The following IGSF23 variants were observed in gnomAD, a reference collection of about 807,000 sequenced individuals.
IGSF23 encodes immunoglobulin superfamily member 23.
A neutral mutation model predicts 17.8 loss-of-function variants in IGSF23; 14 were observed. The ratio of observed to expected loss-of-function variants is 0.79; its 90% confidence interval spans 0.52 to 1.23. IGSF23 has a LOEUF of 1.23. IGSF23 is among the 50% of genes most tolerant of loss of function. The probability of loss-of-function intolerance (pLI) is 0.00; values close to 1 mark genes in which losing one functional copy is unlikely to be tolerated. For missense variants in IGSF23, 214 were observed against 241.7 expected (o/e 0.89, Z 0.76); for synonymous variants, 85 against 92.5 (o/e 0.92, Z 0.46).
intron 1 of IGSF23, among the ~76,000 whole-genome samples, chr19:44,620,410 A>G (rs1342463390): frequency 6.7e-6 from 1 of 149,358 alleles, no homozygotes; most frequent in East Asian, 2.0e-4. Flanking sequence ...TCTGTCGCCC[A>G]GGCTGGAGTG....
chr19:44,635,525 G>A lies in IGSF23; in HGVS notation c.*31+60G>A, dbSNP rs936884672. The A allele has an allele frequency of 6.7e-6, 8 of 1,192,382 alleles. No individual in the cohort carries two copies. In the African/African-American group the frequency reaches 1.2e-4, roughly 18 times the overall value. The allele number at this position is 1,192,382 out of a possible 1,614,324, so 73.9% of individuals were successfully genotyped here. A position where few individuals can be genotyped will look rare whatever the true frequency, so the allele number is the denominator to read the frequency against. On this transcript the variant is annotated intron_variant, in intron 4 of 4. Transcript: ENST00000402988. ...TTTGGGAACAGAAAGAAGTTCTTGGGCAGAGACTCCATATGTGATTTCCTC... is the reference window on the plus strand; with the variant it reads ...TTTGGGAACAGAAAGAAGTTCTTGGACAGAGACTCCATATGTGATTTCCTC...
At chr19:44,630,683 A>C (rs554455915) in intron 3 of IGSF23, among the ~76,000 whole-genome samples, 1 of 152,318 alleles carries the variant, frequency 6.6e-6, no homozygotes, top group African/African-American at 2.4e-5. Context: ...AGCCTCATCC[A>C]ATCAGCTGTG....
chr19:44,628,277 G>A (rs899642978), intron 3 of IGSF23, among the ~76,000 whole-genome samples: 2 of 152,096 alleles, frequency 1.3e-5, no homozygotes, highest in Admixed American at 6.6e-5. Context: ...TTAAAGCAGT[G>A]CCTGGAATGT....
At chr19:44,633,972 T>C (rs910108804) in intron 3 of IGSF23, among the ~76,000 whole-genome samples, 1 of 152,238 alleles carries the variant, frequency 6.6e-6, no homozygotes, top group African/African-American at 2.4e-5. Context: ...GACTCCTGTA[T>C]GTGTTTGTAC....
At chr19:44,634,553 T>C (rs1972842893) in intron 3 of IGSF23, among the ~76,000 whole-genome samples, 1 of 152,186 alleles carries the variant, frequency 6.6e-6, no homozygotes, top group Non-Finnish European at 1.5e-5. Context: ...TGAATAGAAC[T>C]GACAGCAGTC....
At chr19:44,622,046 A>G (rs1232274909) in intron 1 of IGSF23, among the ~76,000 whole-genome samples, 1 of 152,092 alleles carries the variant, frequency 6.6e-6, no homozygotes, top group Non-Finnish European at 1.5e-5. Flanking sequence ...ACATGGTGAA[A>G]CCCCATCTCC....
chr19:44,624,278 C>A (rs1972590305), intron 2 of IGSF23, among the ~76,000 whole-genome samples: 1 of 146,886 alleles, frequency 6.8e-6, no homozygotes, highest in Non-Finnish European at 1.5e-5. Context: ...CCTTCTTCTA[C>A]TTCTTCTTCT....
At chr19:44,621,931 C>T (rs1972530484) in intron 1 of IGSF23, among the ~76,000 whole-genome samples, 1 of 152,044 alleles carries the variant, frequency 6.6e-6, no homozygotes, top group Non-Finnish European at 1.5e-5. Flanking sequence ...CAGTAAGAGC[C>T]CAATCCATGG....
At chr19:44,631,963 G>C (rs368526320) in intron 3 of IGSF23, among the ~76,000 whole-genome samples, 1 of 152,324 alleles carries the variant, frequency 6.6e-6, no homozygotes, top group African/African-American at 2.4e-5. Flanking sequence ...TTCGGGGCCA[G>C]TTTATGGCCA....
chr19:44,620,973 G>A (rs1972505386), intron 1 of IGSF23, among the ~76,000 whole-genome samples: 1 of 152,142 alleles, frequency 6.6e-6, no homozygotes, highest in African/African-American at 2.4e-5. Context: ...AACAATGCCT[G>A]ACAAAGAGCA....
intron 1 of IGSF23, among the ~76,000 whole-genome samples, chr19:44,619,147 G>T (rs971334959): frequency 2.0e-5 from 3 of 151,182 alleles, no homozygotes; most frequent in African/African-American, 2.5e-5. Flanking sequence ...GCAAGAGAAA[G>T]AGAGAGTCAG....
chr19:44,620,773 G>A (rs1047923695), intron 1 of IGSF23: 5 of 152,238 alleles, frequency 3.3e-5, no homozygotes, highest in African/African-American at 1.2e-4. Context: ...ACGCTCGGTG[G>A]TGCAGGCTGT....
chr19:44,620,120 T>G (rs910484482), intron 1 of IGSF23, among the ~76,000 whole-genome samples: 1 of 151,966 alleles, frequency 6.6e-6, no homozygotes, highest in Non-Finnish European at 1.5e-5. Flanking sequence ...AATACAAAAA[T>G]TAGCCGGGCA....
Position 44,613,708 on chromosome 19 carries a change from C to G in IGSF23, c.63C>G (p.Thr21=). The part of the protein sequence containing the change: ...RNPVPAWSPP[T]TTTDPMLEKD... ...CTGTCCCAGCCTGGTCCCCACCCAC[C>G]ACCACCACTGACCCGATGCTAGAGA... The change falls in exon 1 of 5, where the codon ACC becomes ACG. Residue 21 remains threonine (T), a synonymous_variant. Coordinates refer to ENST00000402988, the MANE Select transcript of IGSF23 (RefSeq NM_001205280.2). 1 of 1,550,544 alleles carries G rather than the reference C, an allele frequency of 6.4e-7. No individual in the cohort carries two copies. Among genetic ancestry groups the G allele is most frequent in the Non-Finnish European group, 8.7e-7 (1 of 1,146,974 alleles).
At chr19:44,634,896 A>G (rs1972852653) in intron 3 of IGSF23, among the ~76,000 whole-genome samples, 1 of 152,066 alleles carries the variant, frequency 6.6e-6, no homozygotes, top group Non-Finnish European at 1.5e-5. Context: ...GGTGGGAGTC[A>G]TGAGCTGTGA....
intron 3 of IGSF23, among the ~76,000 whole-genome samples, chr19:44,628,225 G>C (rs1041444504): frequency 1.3e-5 from 2 of 152,162 alleles, no homozygotes; most frequent in African/African-American, 4.8e-5. Context: ...TTACAGGCAT[G>C]AGCCACTGCA....
At chr19:44,633,860 C>T (rs1020617861) in intron 3 of IGSF23, among the ~76,000 whole-genome samples, 3 of 152,286 alleles carry the variant, frequency 2.0e-5, no homozygotes, top group South Asian at 2.1e-4. Context: ...TTCCCACATA[C>T]GGCACAATCA....
chr19:44,630,074 G>A (rs1015149826), intron 3 of IGSF23, among the ~76,000 whole-genome samples: 1 of 152,168 alleles, frequency 6.6e-6, no homozygotes, highest in Admixed American at 6.5e-5. Context: ...CTTTGTTCTA[G>A]CTCCTGTCTA....
At chr19:44,624,435 CCA>C (rs1972595888) in intron 2 of IGSF23, among the ~76,000 whole-genome samples, 1 of 151,950 alleles carries the variant, frequency 6.6e-6, no homozygotes, top group Non-Finnish European at 1.5e-5. Context: ...CAGGCATGCA[CCA>C]CCACATCTGG....
Sources: allele counts gnomAD v4.1 joint callset (sites outside exome capture counted in the v4.1 genomes callset), GRCh38; gene constraint gnomAD v4.1.1; transcripts MANE v1.5; gene names NCBI Gene and HGNC (gene_info 2026-07-23, HGNC 2026-07-21).